Variants in CEP78 observed in about 807,000 individuals in gnomAD.
CEP78 encodes the protein centrosomal protein 78, also known as centrosomal protein of 78 kDa.
In CEP78, 76 loss-of-function variants were observed where a neutral mutation model predicts 81.2. The observed-to-expected ratio is 0.94, with a 90% CI of 0.78 to 1.13. The LOEUF (loss-of-function observed/expected upper bound fraction) is 1.13, where lower values mean the gene tolerates loss of function less well. CEP78 is among the 50% of genes most tolerant of loss of function. The pLI is 0.00. For synonymous variants in CEP78, 293 were observed against 301.4 expected, an observed-to-expected ratio of 0.97 and a Z score of 0.29; for missense variants, 918 against 846.8, an observed-to-expected ratio of 1.08 and a Z score of -1.04.
Position 78,240,427 on chromosome 9 carries a change from A to G in CEP78, c.499+63A>G, listed in dbSNP as rs1346984488. On this transcript the variant is annotated intron_variant, in intron 3 of 16. Coordinates refer to ENST00000643273, the MANE Select transcript of CEP78 (RefSeq NM_001330691.3). Reference sequence around the variant, plus strand: ...CTGGTTTCATGTTTCCCTACATGCCATGTTAATTCCTGTCTGTACCTTTTT... The same window carrying G: ...CTGGTTTCATGTTTCCCTACATGCCGTGTTAATTCCTGTCTGTACCTTTTT... 3.8e-6 allele frequency: 5 copies of G among 1,325,396 alleles called. No homozygotes were observed. The South Asian group carries it at 3.8e-5, about 10-fold the overall frequency. The allele number at this position is 1,325,396 out of a possible 1,614,324, so 82.1% of individuals were successfully genotyped here.
At chr9:78,242,575 A>G (rs555231732) in intron 4 of CEP78, among the ~76,000 whole-genome samples, 30 of 152,330 alleles carry the variant, frequency 2.0e-4, no homozygotes, top group Non-Finnish European at 3.8e-4. Context: ...ATGTGTATAA[A>G]ATAGTGCCTG....
chr9:78,241,742 C>A lies in CEP78; in HGVS notation c.546C>A (p.Asn182Lys). 6.2e-7 allele frequency: 1 copy of A among 1,610,684 alleles called. No individual in the cohort carries two copies. Among genetic ancestry groups the A allele is most frequent in the Non-Finnish European group, 8.5e-7 (1 of 1,177,494 alleles). ...GCTCTATCACTCTTAAGACAGTCAA[C>A]TTCACAGGATGTAATCTGACATGGC... ...IKSSITLKTV[N>K]FTGCNLTWQG... The change falls in exon 4 of 17, where the codon AAC becomes AAA. Residue 182 changes from asparagine to lysine, a missense_variant. Transcript: ENST00000643273.
chr9:78,236,691 C>T, intron 1 of CEP78, 88 bp downstream of exon 1: 1 of 1,463,276 alleles, frequency 6.8e-7, no homozygotes, highest in South Asian at 1.5e-5. Flanking sequence ...GGTATGTGTG[C>T]AATAGAAGGG....
intron 11 of CEP78, among the ~76,000 whole-genome samples, chr9:78,259,830 T>A (rs1480632911): frequency 6.6e-6 from 1 of 152,336 alleles, no homozygotes; most frequent in East Asian, 1.9e-4. Flanking sequence ...AAGAGAAATT[T>A]AAGTACTAAT....
chr9:78,264,351 C>T (rs201570161), intron 13 of CEP78, 35 bp downstream of exon 13: 446 of 1,593,842 alleles, frequency 2.8e-4, no homozygotes, highest in Non-Finnish European at 3.6e-4. Context: ...TTCGTCCCTC[C>T]ATGACTTTAA....
chr9:78,250,007 C>G, intron 8 of CEP78: 1 of 326,366 alleles, frequency 3.1e-6, no homozygotes, highest in Non-Finnish European at 5.5e-6. Flanking sequence ...TATCACTGAA[C>G]TGTACACTTA....
At chr9:78,256,979 TAGAAC>T (rs1827063977) in intron 11 of CEP78, among the ~76,000 whole-genome samples, 2 of 151,872 alleles carry the variant, frequency 1.3e-5, no homozygotes, top group South Asian at 4.2e-4. Context: ...TCTCAGTAGA[TAGAAC>T]AGAAAGGCAG....
rs1219159469 is a variant in CEP78, at chr9:78,274,782, G to A, written c.*3931G>A. 6.6e-6 allele frequency: 1 copy of A among 152,006 alleles called. No homozygotes were observed. The highest frequency in any genetic ancestry group is 2.4e-5 in the African/African-American group (1 of 41,412). 9.4% of individuals were successfully genotyped at this position (152,006 alleles called of 1,614,324 possible). A position where few individuals can be genotyped will look rare whatever the true frequency, so the allele number is the denominator to read the frequency against. On this transcript the variant is annotated 3_prime_UTR_variant, in exon 17 of 17. Coordinates refer to ENST00000643273, the MANE Select transcript of CEP78 (RefSeq NM_001330691.3). ...TTTAAAGGAGAAATCAAAATAAATT[G>A]CAAATTATTTAGAATTAATAAAAAC... is the stretch of plus-strand genomic sequence containing the variant.
chr9:78,265,559 A>G lies in CEP78; in HGVS notation c.1797+16A>G. ...AAATATCCAGGTAAATGAATAGAACAGAACTTAGTGATTCTACAAGTGATT... is the reference window on the plus strand; with the variant it reads ...AAATATCCAGGTAAATGAATAGAACGGAACTTAGTGATTCTACAAGTGATT... On this transcript the variant is annotated intron_variant, in intron 14 of 16. Coordinates refer to ENST00000643273, the MANE Select transcript of CEP78 (RefSeq NM_001330691.3). 6.5e-7 allele frequency: 1 copy of G among 1,547,950 alleles called. No individual in the cohort carries two copies. Among genetic ancestry groups the G allele is most frequent in the Non-Finnish European group, 8.7e-7 (1 of 1,146,766 alleles).
At position 78,236,474 on chromosome 9, in the gene CEP78, G is replaced by T. The variant is rs1825942388; in HGVS notation, c.124G>T (p.Val42Leu). ...PAVRACLREG[V>L]LDFNADRLRG... The stretch of plus-strand genomic sequence containing the variant: ...CGTGCGCGCCTGTCTCCGGGAGGGC[G>T]TGCTGGATTTCAACGCCGACCGCCT... The change falls in exon 1 of 17, where the codon GTG (valine) becomes TTG (leucine). Residue 42 changes from valine (V) to leucine (L), a missense_variant. Coordinates refer to ENST00000643273, the MANE Select transcript of CEP78 (RefSeq NM_001330691.3). The T allele has an allele frequency of 1.2e-6, 2 of 1,607,102 alleles. No homozygotes were observed. The highest frequency in any genetic ancestry group is 1.7e-6 in the Non-Finnish European group (2 of 1,176,936).
At chr9:78,268,605 C>T (rs913426523) in intron 16 of CEP78, among the ~76,000 whole-genome samples, 3 of 151,984 alleles carry the variant, frequency 2.0e-5, no homozygotes, top group Non-Finnish European at 2.9e-5. Flanking sequence ...CCTCCCAATT[C>T]CTCTCCTACT....
At chr9:78,251,682 AT>A (rs1189297083) in intron 8 of CEP78, among the ~76,000 whole-genome samples, 3 of 151,206 alleles carry the variant, frequency 2.0e-5, no homozygotes, top group African/African-American at 4.8e-5. Flanking sequence ...GACAACTTAT[AT>A]TTTTATATAT....
chr9:78,261,564 G>A (rs192980120), intron 11 of CEP78, among the ~76,000 whole-genome samples: 4 of 152,168 alleles, frequency 2.6e-5, no homozygotes, highest in Non-Finnish European at 2.9e-5. Flanking sequence ...GAGTAATGAG[G>A]AGGGAACTTT....
chr9:78,247,567 T>G (rs1237396970), intron 6 of CEP78, among the ~76,000 whole-genome samples: 4 of 152,172 alleles, frequency 2.6e-5, no homozygotes, highest in Non-Finnish European at 5.9e-5. Context: ...CGGTAAGGAC[T>G]TAGATAATTC....
rs1827856755 is a variant in CEP78 at position 78,279,044 on chromosome 9, A to G, written c.*8193A>G. On this transcript the variant is annotated 3_prime_UTR_variant, in exon 17 of 17. Coordinates refer to ENST00000643273, the MANE Select transcript of CEP78 (RefSeq NM_001330691.3). ...CCCGAGTTCTCTTAGTACAGTTTGTACATTTTAAACCACTGTGAACTGAAA... is the reference window on the plus strand; with the variant it reads ...CCCGAGTTCTCTTAGTACAGTTTGTGCATTTTAAACCACTGTGAACTGAAA... 1 of 144,440 alleles carries G rather than the reference A, an allele frequency of 6.9e-6. No individual in the cohort carries two copies. The highest frequency in any genetic ancestry group is 2.6e-5 in the African/African-American group (1 of 37,984). 8.9% of individuals were successfully genotyped at this position (144,440 alleles called of 1,614,324 possible).
At position 78,241,843 on chromosome 9, in the gene CEP78, G is replaced by A. The variant is rs1315793658; in HGVS notation, c.603+44G>A. On this transcript the variant is annotated intron_variant, in intron 4 of 16. Transcript: ENST00000643273. ...TTTCATGAAAATGTGTTATATGATT[G>A]CCACACGTTAATATTTTGATACAAG... 3.8e-6 allele frequency: 4 copies of A among 1,040,812 alleles called. No individual in the cohort carries two copies. In the East Asian group the frequency reaches 9.5e-5, roughly 25 times the overall value. 64.5% of individuals were successfully genotyped at this position (1,040,812 alleles called of 1,614,324 possible). A position where few individuals can be genotyped will look rare whatever the true frequency, so the allele number is the denominator to read the frequency against.
Position 78,264,290 on chromosome 9 carries a change from T to G in CEP78, c.1599T>G (p.Ala533=), listed in dbSNP as rs773347286. ...SIENSFQKFH[A]FLDLLKDAGL... ...AGAATTCTTTTCAGAAGTTTCATGC[T>G]TTCTTGGATCTCCTTAAAGATGCTG... The change falls in exon 13 of 17, where the codon GCT becomes GCG. Residue 533 remains alanine, a synonymous_variant. Transcript: ENST00000643273. 6.2e-7 allele frequency: 1 copy of G among 1,613,442 alleles called. No homozygotes were observed. The highest frequency in any genetic ancestry group is 2.2e-5 in the East Asian group (1 of 44,802).
intron 3 of CEP78, 48 bp downstream of exon 3, chr9:78,240,412 G>GT (rs1184484022): frequency 7.7e-6 from 11 of 1,432,436 alleles, no homozygotes. Flanking sequence ...CTGGTTTCAT[G>GT]TTTCCCTACA....
chr9:78,248,923 T>C, intron 8 of CEP78, 50 bp downstream of exon 8: 1 of 868,668 alleles, frequency 1.2e-6, no homozygotes, highest in Non-Finnish European at 1.8e-6. Flanking sequence ...TCTAGTGTGT[T>C]AAAATTAAAA....
Sources: allele counts gnomAD v4.1 joint callset (sites outside exome capture counted in the v4.1 genomes callset), GRCh38; gene constraint gnomAD v4.1.1; transcripts MANE v1.5; gene names NCBI Gene and HGNC (gene_info 2026-07-23, HGNC 2026-07-21).